The following KCNIP4 variants were observed in gnomAD, a reference collection of about 807,000 sequenced individuals.
The protein encoded by KCNIP4 is Kv channel-interacting protein 4.
In KCNIP4, 12 loss-of-function variants were observed where a neutral mutation model predicts 34.0. The observed-to-expected ratio is 0.35, with a 90% CI of 0.23 to 0.57. The LOEUF is 0.57. Among genes scored for constraint, KCNIP4 ranks in the 20% least tolerant of loss-of-function variants. The pLI is 0.83. For missense variants in KCNIP4, 238 were observed against 311.7 expected (o/e 0.76, Z 1.78); for synonymous variants, 124 against 102.2 (o/e 1.21, Z -1.29).
intron 2 of KCNIP4, among the ~76,000 whole-genome samples, chr4:20,854,526 A>C (rs1407782477): frequency 6.6e-6 from 1 of 152,144 alleles, no homozygotes; most frequent in Non-Finnish European, 1.5e-5. Context: ...AAAAGACTAC[A>C]AATATTGTGC....
intron 3 of KCNIP4, among the ~76,000 whole-genome samples, chr4:20,801,712 A>G (rs1002372927): frequency 2.0e-5 from 3 of 152,114 alleles, no homozygotes; most frequent in African/African-American, 7.2e-5. Flanking sequence ...AGAAAGGAAT[A>G]AAAGCTTAAT....
intron 1 of KCNIP4, among the ~76,000 whole-genome samples, chr4:21,032,025 G>A (rs1026856378): frequency 1.1e-4 from 16 of 152,138 alleles, no homozygotes; most frequent in African/African-American, 3.4e-4. Context: ...CACTAGACGT[G>A]CTCAATGTTG....
chr4:21,130,243 C>G (rs1184577713), intron 1 of KCNIP4, among the ~76,000 whole-genome samples: 2 of 152,132 alleles, frequency 1.3e-5, no homozygotes, highest in African/African-American at 4.8e-5. Flanking sequence ...GCATCACTTG[C>G]AGAGAGTCTT....
chr4:21,272,785 ACTCTT>A (rs36209307), intron 1 of KCNIP4, among the ~76,000 whole-genome samples: 38,752 of 151,582 alleles, frequency 0.26, 5,062 homozygotes, highest in South Asian at 0.35. Flanking sequence ...TTTTATACAG[ACTCTT>A]CTCTTTGTGC....
intron 1 of KCNIP4, among the ~76,000 whole-genome samples, chr4:21,037,242 A>T (rs1741532274): frequency 6.6e-6 from 1 of 152,210 alleles, no homozygotes; most frequent in Non-Finnish European, 1.5e-5. Context: ...CAAAATGTAC[A>T]GTGTGTATAA....
intron 1 of KCNIP4, among the ~76,000 whole-genome samples, chr4:21,221,261 T>C (rs1757962503): frequency 6.6e-6 from 1 of 152,202 alleles, no homozygotes; most frequent in South Asian, 2.1e-4. Flanking sequence ...GCATAATGCC[T>C]GTTACATAGT....
intron 3 of KCNIP4, among the ~76,000 whole-genome samples, chr4:20,826,343 G>T (rs182960274): frequency 2.0e-5 from 3 of 152,212 alleles, no homozygotes; most frequent in African/African-American, 4.8e-5. Context: ...GGGAGGCAAA[G>T]GTGCAAGGAT....
chr4:21,938,720 CTAGGAAGG>C (rs1411021508), intron 1 of KCNIP4, among the ~76,000 whole-genome samples: 1 of 151,952 alleles, frequency 6.6e-6, no homozygotes, highest in Non-Finnish European at 1.5e-5. Context: ...CGATGGGGTC[CTAGGAAGG>C]TATTTAGCAC....
intron 1 of KCNIP4, among the ~76,000 whole-genome samples, chr4:21,451,931 G>C (rs994987160): frequency 6.6e-6 from 1 of 152,094 alleles, no homozygotes; most frequent in African/African-American, 2.4e-5. Flanking sequence ...GATGATTGGA[G>C]ATTCTCATTC....
chr4:21,214,019 G>A (rs1203565727), intron 1 of KCNIP4, among the ~76,000 whole-genome samples: 2 of 152,208 alleles, frequency 1.3e-5, no homozygotes, highest in Non-Finnish European at 1.5e-5. Context: ...ATGACTGGGT[G>A]CAATTGATAT....
At position 21,645,247 on chromosome 4, in the gene KCNIP4, G is replaced by A. The variant is rs776129284; in HGVS notation, c.61+303324C>T. On this transcript the variant is annotated intron_variant, in intron 1 of 8. Coordinates refer to ENST00000382152, the MANE Select transcript of KCNIP4 (RefSeq NM_025221.6). ...ATTATTTCTCCTATGTTATAGATGC[G>A]TAAAATGATACAGACAGGTTAAATA... is the stretch of plus-strand genomic sequence containing the variant. Among the ~76,000 whole-genome samples the A allele has an allele frequency of 4.6e-5, 7 of 152,016 alleles. No homozygotes were observed. The East Asian group carries it at 5.8e-4, about 13-fold the overall frequency.
In KCNIP4 at chr4:21,338,157, C is replaced by T. The variant is rs188082802; in HGVS notation, c.62-455448G>A. 9.8e-4 allele frequency among the ~76,000 whole-genome samples: 145 copies of T among 147,324 alleles called. 1 individual carries two copies. Among genetic ancestry groups the T allele is most frequent in the African/African-American group, 3.5e-3 (140 of 39,992 alleles). On this transcript the variant is annotated intron_variant, in intron 1 of 8. Coordinates refer to ENST00000382152, the MANE Select transcript of KCNIP4 (RefSeq NM_025221.6). Reference sequence around the variant, plus strand: ...TTTGTAAGACTTTGTATTTTTAACTCGGGAGGCTGAGGCAGGAGAATGGCG... The same window carrying T: ...TTTGTAAGACTTTGTATTTTTAACTTGGGAGGCTGAGGCAGGAGAATGGCG...
At chr4:21,704,281 T>A (rs555086588) in intron 1 of KCNIP4, among the ~76,000 whole-genome samples, 1 of 152,284 alleles carries the variant, frequency 6.6e-6, no homozygotes, top group Admixed American at 6.5e-5. Context: ...TCCTTAGCAA[T>A]GTTCATTGCT....
In KCNIP4 at chr4:21,801,701, C is replaced by T. The variant is rs569212380; in HGVS notation, c.61+146870G>A. On this transcript the variant is annotated intron_variant, in intron 1 of 8. Coordinates refer to ENST00000382152, the MANE Select transcript of KCNIP4 (RefSeq NM_025221.6). ...TCAGCTCACTGCAACCTCCACCTCC[C>T]GGGTTCAAGCAATTCTCCTTTCTCA... Among the ~76,000 whole-genome samples, 259 of 152,054 alleles carry T rather than the reference C, an allele frequency of 1.7e-3. 3 individuals carry two copies. The highest frequency in any genetic ancestry group is 0.01 in the East Asian group (53 of 5,164).
chr4:21,303,784 G>C (rs1298366958), intron 1 of KCNIP4: 2 of 1,578,660 alleles, frequency 1.3e-6, no homozygotes, highest in African/African-American at 1.4e-5. Flanking sequence ...ATTTTTAGAA[G>C]TCACTAAAAA....
chr4:21,308,909 A>C (rs1712804970), intron 1 of KCNIP4, among the ~76,000 whole-genome samples: 1 of 152,216 alleles, frequency 6.6e-6, no homozygotes, highest in South Asian at 2.1e-4. Context: ...GGAGTCCTTC[A>C]GCTCAGGCTC....
At chr4:20,808,218 TATC>T (rs1289194331) in intron 3 of KCNIP4, among the ~76,000 whole-genome samples, 1 of 152,182 alleles carries the variant, frequency 6.6e-6, no homozygotes, top group Non-Finnish European at 1.5e-5. Flanking sequence ...CATTTCACAT[TATC>T]ATTACAGAAG....
At chr4:21,944,881 G>A (rs1730417973) in intron 1 of KCNIP4, among the ~76,000 whole-genome samples, 1 of 151,944 alleles carries the variant, frequency 6.6e-6, no homozygotes, top group African/African-American at 2.4e-5. Flanking sequence ...AATGCCCAAG[G>A]GTAAATTAAT....
intron 1 of KCNIP4, among the ~76,000 whole-genome samples, chr4:21,669,952 T>C (rs1198346524): frequency 1.3e-5 from 2 of 152,186 alleles, no homozygotes; most frequent in African/African-American, 4.8e-5. Context: ...ATTATACCTA[T>C]ACCTTGGGAG....
Sources: gnomAD v4.1 joint callset for allele counts (sites outside exome capture counted in the v4.1 genomes callset) on GRCh38, gnomAD v4.1.1 for gene constraint, MANE v1.5 for transcripts, NCBI Gene and HGNC (gene_info 2026-07-23, HGNC 2026-07-21) for gene names.